The following CD46 variants were observed in gnomAD, a reference collection of about 807,000 sequenced individuals.
CD46 encodes CD46 molecule.
In CD46, 30 loss-of-function variants were observed where a neutral mutation model predicts 53.3. That is an observed-to-expected ratio of 0.56 (90% CI 0.42 to 0.76). The LOEUF is 0.76. Among genes scored for constraint, CD46 ranks in the 30% least tolerant of loss-of-function variants. The pLI, the probability that CD46 is intolerant of heterozygous loss-of-function variation, is 0.00. For missense variants in CD46, 409 were observed against 463.0 expected, an observed-to-expected ratio of 0.88 and a Z score of 1.07; for synonymous variants, 142 against 152.0, an observed-to-expected ratio of 0.93 and a Z score of 0.48.
chr1:207,788,698 C>G (rs1659513784), intron 11 of CD46, among the ~76,000 whole-genome samples: 1 of 152,160 alleles, frequency 6.6e-6, no homozygotes, highest in South Asian at 2.1e-4. Flanking sequence ...CTAGCAGGCA[C>G]AAATAATCTC....
At chr1:207,763,550 A>G (rs911979052) in intron 5 of CD46, among the ~76,000 whole-genome samples, 4 of 152,016 alleles carry the variant, frequency 2.6e-5, no homozygotes, top group African/African-American at 4.8e-5. Flanking sequence ...GCGAGCTGCA[A>G]CTGCAGCAAT....
At chr1:207,785,781 T>A in intron 11 of CD46, 99 bp downstream of exon 11, 3 of 137,250 alleles carry the variant, frequency 2.2e-5, no homozygotes, top group Non-Finnish European at 4.5e-5. Flanking sequence ...TGCTATCTTT[T>A]TTTTTTTTTT....
intron 7 of CD46, chr1:207,768,833 G>T (rs923773541): frequency 1.3e-5 from 2 of 152,214 alleles, no homozygotes; most frequent in African/African-American, 4.8e-5. Flanking sequence ...GTGGTCTTCA[G>T]TTTCCCTTTA....
At position 207,758,123 on chromosome 1, in the gene CD46, G is replaced by A. The variant is rs41317061; in HGVS notation, c.389+481G>A. 3.4e-3 allele frequency among the ~76,000 whole-genome samples: 514 copies of A among 152,310 alleles called. 3 individuals are homozygous for A. Among genetic ancestry groups the A allele is most frequent in the African/African-American group, 0.012 (488 of 41,566 alleles). ...AAACCTTATTTTTGAGACTGCTACAGTGTGAAGCATCTCAAGAGCAGGTAC... is the reference window on the plus strand; with the variant it reads ...AAACCTTATTTTTGAGACTGCTACAATGTGAAGCATCTCAAGAGCAGGTAC... On this transcript the variant is annotated intron_variant, in intron 3 of 12. Coordinates refer to ENST00000367042, the MANE Select transcript of CD46 (RefSeq NM_172351.3).
chr1:207,764,383 C>T (rs368640461), intron 5 of CD46, among the ~76,000 whole-genome samples: 42 of 152,264 alleles, frequency 2.8e-4, no homozygotes, highest in African/African-American at 7.7e-4. Flanking sequence ...AATTAATGGC[C>T]GCTCGATCTT....
chr1:207,767,917 AT>A, intron 7 of CD46, 94 bp downstream of exon 7: 1 of 1,001,088 alleles, frequency 1.0e-6, no homozygotes, highest in Non-Finnish European at 1.6e-6. Flanking sequence ...ATGTTCACTT[AT>A]TTTTAGTAAT....
chr1:207,755,660 C>A (rs142571131), intron 1 of CD46, among the ~76,000 whole-genome samples: 156 of 152,302 alleles, frequency 1.0e-3, no homozygotes, highest in African/African-American at 3.7e-3. Context: ...AAGCCAAGAT[C>A]AGTAAGCACT....
chr1:207,785,163 A>AT, intron 10 of CD46, 57 bp downstream of exon 10: 1 of 1,307,834 alleles, frequency 7.6e-7, no homozygotes, highest in African/African-American at 1.4e-5. Context: ...GAAGACATGC[A>AT]TTTTAAAAAT....
chr1:207,765,369 T>C (rs529534252), intron 5 of CD46, among the ~76,000 whole-genome samples: 1 of 152,226 alleles, frequency 6.6e-6, no homozygotes, highest in South Asian at 2.1e-4. Context: ...CACTTCATGG[T>C]TCAAAAAAAT....
At chr1:207,782,854 C>A (rs1280145168) in intron 8 of CD46, among the ~76,000 whole-genome samples, 4 of 150,702 alleles carry the variant, frequency 2.7e-5, no homozygotes, top group Non-Finnish European at 5.9e-5. Flanking sequence ...GGGGTGTCAC[C>A]ATGTTGGCCA....
chr1:207,759,761 GTCC>G (rs1161451658), intron 4 of CD46, 37 bp downstream of exon 4: 1 of 1,271,756 alleles, frequency 7.9e-7, no homozygotes, highest in South Asian at 1.2e-5. Context: ...TAGACCAGTA[GTCC>G]TCAAAGATTT....
At chr1:207,773,184 G>T (rs998323150) in intron 8 of CD46, among the ~76,000 whole-genome samples, 11 of 152,156 alleles carry the variant, frequency 7.2e-5, no homozygotes, top group African/African-American at 2.4e-4. Context: ...GCTTATTTGT[G>T]TAGAGGTGTT....
rs139251146 is a variant in CD46, at chr1:207,781,706, C to CA, written c.944-1585dup. On this transcript the variant is annotated intron_variant, in intron 8 of 12. Coordinates refer to ENST00000367042, the MANE Select transcript of CD46 (RefSeq NM_172351.3). ...CTTTCCCCATTTGACTGTTCCTTGTCACGCTTGTTGAAAACCGTTTGACCA... is the reference window on the plus strand; with the variant it reads ...CTTTCCCCATTTGACTGTTCCTTGTCAACGCTTGTTGAAAACCGTTTGACCA... Among the ~76,000 whole-genome samples, 350 of 152,276 alleles carry CA rather than the reference C, an allele frequency of 2.3e-3. 1 individual carries two copies. Among genetic ancestry groups the CA allele is most frequent in the African/African-American group, 7.7e-3 (318 of 41,560 alleles).
At chr1:207,756,621 G>A (rs1263583313) in intron 1 of CD46, among the ~76,000 whole-genome samples, 1 of 152,172 alleles carries the variant, frequency 6.6e-6, no homozygotes, top group African/African-American at 2.4e-5. Context: ...ATAAGTTAGT[G>A]TTTTAAACTA....
At position 207,752,942 on chromosome 1, in the gene CD46, GC is replaced by G. The variant is rs961600783; in HGVS notation, c.97+634del. Among the ~76,000 whole-genome samples the G allele has an allele frequency of 5.9e-5, 9 of 152,084 alleles. No homozygotes were observed. Among genetic ancestry groups the G allele is most frequent in the African/African-American group, 2.2e-4 (9 of 41,380 alleles). ...AGCGCGGACTCTGGGGCTAGGGAGG[GC>G]ATGTTGAGTGAGAGCAGGCTCTCGG... is the stretch of plus-strand genomic sequence containing the variant. On this transcript the variant is annotated intron_variant, in intron 1 of 12. Coordinates refer to ENST00000367042, the MANE Select transcript of CD46 (RefSeq NM_172351.3). This position sits in a 1 kb window ranked among gnomAD's most constrained non-coding sequence, Gnocchi z 4.1.
At chr1:207,772,334 A>T (rs1381941629) in intron 8 of CD46, among the ~76,000 whole-genome samples, 1 of 152,206 alleles carries the variant, frequency 6.6e-6, no homozygotes, top group Non-Finnish European at 1.5e-5. Flanking sequence ...ATATGCAATC[A>T]TGTCATCTGC....
intron 1 of CD46, among the ~76,000 whole-genome samples, chr1:207,753,982 A>C (rs187099159): frequency 1.3e-5 from 2 of 152,334 alleles, no homozygotes; most frequent in East Asian, 3.9e-4. Flanking sequence ...GTTTACACAC[A>C]CATTCATGCA....
chr1:207,786,752 A>G (rs1659305614), intron 11 of CD46, among the ~76,000 whole-genome samples: 1 of 152,180 alleles, frequency 6.6e-6, no homozygotes, highest in African/African-American at 2.4e-5. Flanking sequence ...TTACTTGGTT[A>G]TCTTTTGAAA....
intron 10 of CD46, 108 bp downstream of exon 10, chr1:207,785,214 T>C: frequency 1.2e-6 from 1 of 864,768 alleles, no homozygotes; most frequent in Non-Finnish European, 1.9e-6. Flanking sequence ...TGTAAATTGG[T>C]TAAACCGATT....
Sources: gnomAD v4.1 joint callset for allele counts (sites outside exome capture counted in the v4.1 genomes callset) on GRCh38, gnomAD v4.1.1 for gene constraint, Gnocchi (gnomAD v3.1) non-coding constraint, MANE v1.5 for transcripts, NCBI Gene and HGNC (gene_info 2026-07-23, HGNC 2026-07-21) for gene names.